Variants in RPS6KC1 observed in about 807,000 individuals in gnomAD.
RPS6KC1 encodes the protein inactive ribosomal protein S6 kinase delta-1.
RPS6KC1 carries 54 observed loss-of-function variants against 103.8 expected under a neutral mutation model. The ratio of observed to expected loss-of-function variants is 0.52; its 90% confidence interval spans 0.42 to 0.65. The LOEUF (loss-of-function observed/expected upper bound fraction) is 0.65. RPS6KC1 is among the 30% of genes least tolerant of loss of function. The pLI, the probability that RPS6KC1 is intolerant of heterozygous loss-of-function variation, is 0.00. For synonymous variants in RPS6KC1, 439 were observed against 438.7 expected (o/e 1.00, Z -0.01); for missense variants, 1,151 against 1,253.8 (o/e 0.92, Z 1.24).
the RPS6KC1 span, among the ~76,000 whole-genome samples, chr1:213,790,153 A>G: frequency 3.9e-5 from 6 of 152,168 alleles, no homozygotes; most frequent in Non-Finnish European, 7.4e-5. Context: ...TTTCCATAAC[A>G]GTGTCCCAAG....
chr1:213,767,963 C>G, the RPS6KC1 span, among the ~76,000 whole-genome samples: 5 of 152,170 alleles, frequency 3.3e-5, no homozygotes, highest in Non-Finnish European at 7.3e-5. Context: ...TGAATAAAGG[C>G]AAGCAGATAG....
chr1:213,732,902 T>G, the RPS6KC1 span, among the ~76,000 whole-genome samples: 3 of 152,246 alleles, frequency 2.0e-5, no homozygotes, highest in Non-Finnish European at 2.9e-5. Context: ...CATGCAGTAT[T>G]TGTCTTCCTG....
At chr1:213,770,432 T>C in the RPS6KC1 span, among the ~76,000 whole-genome samples, 5 of 152,230 alleles carry the variant, frequency 3.3e-5, no homozygotes, top group Non-Finnish European at 1.5e-5. Context: ...ATAAGTAATG[T>C]TGTCTCCGGT....
chr1:213,755,924 C>A, the RPS6KC1 span, among the ~76,000 whole-genome samples: 1 of 152,180 alleles, frequency 6.6e-6, no homozygotes, highest in Non-Finnish European at 1.5e-5. Flanking sequence ...AACAGAGGCA[C>A]CTTATTTACC....
At chr1:213,185,091 T>A (rs1394873522) in intron 8 of RPS6KC1, among the ~76,000 whole-genome samples, 1 of 152,250 alleles carries the variant, frequency 6.6e-6, no homozygotes, top group Non-Finnish European at 1.5e-5. Flanking sequence ...TAGAGTCTGC[T>A]ACTATTATTG....
chr1:213,502,659 TTTAATA>T, the RPS6KC1 span, among the ~76,000 whole-genome samples: 1 of 152,164 alleles, frequency 6.6e-6, no homozygotes, highest in Non-Finnish European at 1.5e-5. Context: ...ACAATATATT[TTTAATA>T]TTAATATTTT....
the RPS6KC1 span, among the ~76,000 whole-genome samples, chr1:213,724,744 T>A: frequency 3.3e-5 from 5 of 152,044 alleles, no homozygotes; most frequent in African/African-American, 9.7e-5. Context: ...TCTAAAAAAA[T>A]AATAATAAAC....
chr1:213,684,635 G>A, the RPS6KC1 span, among the ~76,000 whole-genome samples: 2 of 152,208 alleles, frequency 1.3e-5, no homozygotes, highest in Non-Finnish European at 2.9e-5. Context: ...CTTTGTGAGT[G>A]AAAACATAAT....
the RPS6KC1 span, among the ~76,000 whole-genome samples, chr1:213,431,359 GA>G: frequency 1.3e-5 from 2 of 152,170 alleles, no homozygotes; most frequent in East Asian, 1.9e-4. Flanking sequence ...AGTTATATGA[GA>G]TTTTTTTTTC....
the RPS6KC1 span, among the ~76,000 whole-genome samples, chr1:213,643,788 T>G: frequency 2.0e-5 from 3 of 152,136 alleles, no homozygotes; most frequent in Non-Finnish European, 2.9e-5. Context: ...TAGATAGCAT[T>G]AATCAAGTTC....
the RPS6KC1 span, among the ~76,000 whole-genome samples, chr1:213,794,959 T>C: frequency 6.6e-5 from 10 of 152,226 alleles, no homozygotes; most frequent in Non-Finnish European, 1.5e-4. Flanking sequence ...CAGACTTGAA[T>C]CTTCCAGACC....
At chr1:213,769,918 G>A in the RPS6KC1 span, among the ~76,000 whole-genome samples, 3 of 152,154 alleles carry the variant, frequency 2.0e-5, no homozygotes, top group African/African-American at 7.2e-5. Context: ...ACTGTTAGTT[G>A]TTAAGTGGTT....
the RPS6KC1 span, among the ~76,000 whole-genome samples, chr1:213,331,894 C>A: frequency 6.6e-6 from 1 of 152,024 alleles, no homozygotes. Flanking sequence ...GTTTTGACAT[C>A]TTTTTACTCT....
the RPS6KC1 span, among the ~76,000 whole-genome samples, chr1:213,784,056 T>C: frequency 6.6e-6 from 1 of 152,164 alleles, no homozygotes; most frequent in Non-Finnish European, 1.5e-5. Context: ...GCTGCTATCA[T>C]GAAATGTTTG....
At chr1:213,573,808 A>C in the RPS6KC1 span, among the ~76,000 whole-genome samples, 1 of 152,232 alleles carries the variant, frequency 6.6e-6, no homozygotes, top group African/African-American at 2.4e-5. Context: ...AATAGATTGT[A>C]TGAAGAACCT....
At chr1:213,081,354 G>C (rs2079862149) in intron 3 of RPS6KC1, among the ~76,000 whole-genome samples, 1 of 152,194 alleles carries the variant, frequency 6.6e-6, no homozygotes, top group Admixed American at 6.5e-5. Flanking sequence ...GGAAACGAGA[G>C]AGAGGAGGAG....
At chr1:213,307,066 T>TG in the RPS6KC1 span, among the ~76,000 whole-genome samples, 2 of 150,046 alleles carry the variant, frequency 1.3e-5, no homozygotes, top group African/African-American at 4.9e-5. Context: ...GCAGGTTTTT[T>TG]TTTTTTTTTT....
intron 6 of RPS6KC1, among the ~76,000 whole-genome samples, chr1:213,145,501 G>A (rs2087644339): frequency 1.3e-5 from 2 of 152,092 alleles, no homozygotes; most frequent in Non-Finnish European, 2.9e-5. Flanking sequence ...AGTGTATGCT[G>A]TGGGGAAACT....
intron 2 of RPS6KC1, among the ~76,000 whole-genome samples, chr1:213,072,639 T>A (rs181325467): frequency 6.6e-6 from 1 of 152,308 alleles, no homozygotes; most frequent in Non-Finnish European, 1.5e-5. Flanking sequence ...TATTGTAATA[T>A]TGTTATTTTG....
Sources: gnomAD v4.1 joint callset for allele counts (sites outside exome capture counted in the v4.1 genomes callset) on GRCh38, gnomAD v4.1.1 for gene constraint, MANE v1.5 for transcripts, NCBI Gene and HGNC (gene_info 2026-07-23, HGNC 2026-07-21) for gene names.